The following CNTNAP2 variants were observed in gnomAD, a reference collection of about 807,000 sequenced individuals.
CNTNAP2 encodes contactin-associated protein-like 2.
In CNTNAP2, 98 loss-of-function variants were observed where a neutral mutation model predicts 155.2. The observed-to-expected ratio is 0.63, with a 90% CI of 0.54 to 0.75. The LOEUF (loss-of-function observed/expected upper bound fraction) is 0.75. Among genes scored for constraint, CNTNAP2 ranks in the 30% least tolerant of loss-of-function variants. The probability of loss-of-function intolerance (pLI) is 0.00; values close to 1 mark genes in which losing one functional copy is unlikely to be tolerated. For missense variants in CNTNAP2, 1,727 were observed against 1,688.1 expected, an observed-to-expected ratio of 1.02 and a Z score of -0.40; for synonymous variants, 651 against 631.2, an observed-to-expected ratio of 1.03 and a Z score of -0.47.
At position 148,106,493 on chromosome 7, in the gene CNTNAP2, GATATATAT is replaced by G. The variant is rs10532740; in HGVS notation, c.2384-11605_2384-11598del. Among the ~76,000 whole-genome samples the G allele has an allele frequency of 5.3e-4, 66 of 124,912 alleles. 2 individuals are homozygous for G. Among genetic ancestry groups the G allele is most frequent in the African/African-American group, 1.9e-3 (54 of 28,994 alleles). 81.9% of individuals were successfully genotyped at this position (124,912 alleles called of 152,430 possible). A position where few individuals can be genotyped will look rare whatever the true frequency, so the allele number is the denominator to read the frequency against. ...CACTTCAGTGTACTGCACACTTTGA[GATATATAT>G]ATATATATATATATATATACATATT... On this transcript the variant is annotated intron_variant, in intron 15 of 23. Coordinates refer to ENST00000361727, the MANE Select transcript of CNTNAP2 (RefSeq NM_014141.6).
intron 1 of CNTNAP2, among the ~76,000 whole-genome samples, chr7:146,475,631 G>T (rs923139680): frequency 6.6e-6 from 1 of 152,138 alleles, no homozygotes; most frequent in Non-Finnish European, 1.5e-5. Flanking sequence ...GGGAGACCAA[G>T]ATTGACAGAC....
chr7:146,196,706 A>T (rs1490717707), intron 1 of CNTNAP2, among the ~76,000 whole-genome samples: 1 of 152,198 alleles, frequency 6.6e-6, no homozygotes, highest in Non-Finnish European at 1.5e-5. Context: ...ATAGTTCAGC[A>T]GTCTAGATAA....
intron 3 of CNTNAP2, among the ~76,000 whole-genome samples, chr7:146,955,868 G>A (rs1419455049): frequency 6.6e-6 from 1 of 152,016 alleles, no homozygotes; most frequent in African/African-American, 2.4e-5. Context: ...CAGTTAACAT[G>A]AATACAAAAT....
At chr7:147,068,821 G>T (rs553894817) in intron 4 of CNTNAP2, among the ~76,000 whole-genome samples, 10 of 152,270 alleles carry the variant, frequency 6.6e-5, no homozygotes, top group African/African-American at 2.4e-4. Context: ...CCAATTTCGT[G>T]AAATACATCT....
At chr7:146,541,340 G>T (rs1190570171) in intron 1 of CNTNAP2, among the ~76,000 whole-genome samples, 1 of 151,952 alleles carries the variant, frequency 6.6e-6, no homozygotes, top group Non-Finnish European at 1.5e-5. Flanking sequence ...TTTCCTCCTT[G>T]AGGTCTAATA....
At chr7:146,177,771 G>T (rs1006871590) in intron 1 of CNTNAP2, among the ~76,000 whole-genome samples, 2 of 152,040 alleles carry the variant, frequency 1.3e-5, no homozygotes, top group African/African-American at 4.8e-5. Context: ...TCCCTCTTTT[G>T]TTATTTACAA....
chr7:146,530,136 T>C (rs1204224925), intron 1 of CNTNAP2, among the ~76,000 whole-genome samples: 2 of 152,174 alleles, frequency 1.3e-5, no homozygotes, highest in African/African-American at 4.8e-5. Context: ...GGGAAAGGAC[T>C]CCCTATTCAA....
intron 1 of CNTNAP2, among the ~76,000 whole-genome samples, chr7:146,329,440 C>T (rs1023359986): frequency 2.0e-5 from 3 of 152,128 alleles, no homozygotes; most frequent in African/African-American, 7.2e-5. Flanking sequence ...TGTATCTTTG[C>T]CCAGTATTAC....
intron 2 of CNTNAP2, among the ~76,000 whole-genome samples, chr7:146,774,603 A>G (rs1802355733): frequency 6.6e-6 from 1 of 152,176 alleles, no homozygotes; most frequent in Non-Finnish European, 1.5e-5. Context: ...ATAGTACGTC[A>G]AAAAGGAAGA....
intron 8 of CNTNAP2, among the ~76,000 whole-genome samples, chr7:147,292,919 A>AC: frequency 6.6e-6 from 1 of 152,102 alleles, no homozygotes; most frequent in South Asian, 2.1e-4. Flanking sequence ...ACAGGCATGC[A>AC]CCACCATGCT....
rs116701518 is a variant in CNTNAP2 at position 147,780,531 on chromosome 7, G to C, written c.2099-123034G>C. Among the ~76,000 whole-genome samples the C allele has an allele frequency of 6.1e-3, 927 of 152,066 alleles. 3 individuals are homozygous for C. The highest frequency in any genetic ancestry group is 0.021 in the African/African-American group (883 of 41,470). Reference sequence around the variant, plus strand: ...TTGGAAATAAAGTTTCCCATCTGCTGGTCCTTAAGAGTAATTGCTGGTTTC... The same window carrying C: ...TTGGAAATAAAGTTTCCCATCTGCTCGTCCTTAAGAGTAATTGCTGGTTTC... On this transcript the variant is annotated intron_variant, in intron 13 of 23. Transcript: ENST00000361727.
intron 3 of CNTNAP2, among the ~76,000 whole-genome samples, chr7:146,973,362 A>G (rs548648172): frequency 2.0e-5 from 3 of 152,298 alleles, no homozygotes; most frequent in Non-Finnish European, 4.4e-5. Flanking sequence ...CAATAGATAC[A>G]CATGGTTTGT....
chr7:147,727,747 CT>C (rs10689191), intron 13 of CNTNAP2, among the ~76,000 whole-genome samples: 128 of 141,620 alleles, frequency 9.0e-4, no homozygotes, highest in African/African-American at 3.0e-3. Context: ...CCAAAGCCTG[CT>C]TTTTTTTTTT....
intron 1 of CNTNAP2, among the ~76,000 whole-genome samples, chr7:146,261,133 T>TG: frequency 6.6e-6 from 1 of 152,268 alleles, no homozygotes; most frequent in African/African-American, 2.4e-5. Context: ...CTTTGCCTTC[T>TG]GCCATGATTG....
intron 8 of CNTNAP2, among the ~76,000 whole-genome samples, chr7:147,243,814 C>A (rs1321664960): frequency 1.3e-5 from 2 of 152,024 alleles, no homozygotes; most frequent in East Asian, 3.9e-4. Context: ...TCACAAAGGG[C>A]TGTCATGAAC....
At chr7:147,393,556 C>A (rs980868087) in intron 9 of CNTNAP2, among the ~76,000 whole-genome samples, 3 of 151,176 alleles carry the variant, frequency 2.0e-5, no homozygotes, top group Non-Finnish European at 4.4e-5. Context: ...TGGGTGTTTT[C>A]TCTCTGCTAA....
intron 8 of CNTNAP2, among the ~76,000 whole-genome samples, chr7:147,161,317 C>T (rs1037636102): frequency 3.3e-5 from 5 of 152,124 alleles, no homozygotes; most frequent in Admixed American, 1.3e-4. Flanking sequence ...AGTGAGCCTC[C>T]TCCTGTGAGG....
At chr7:146,122,410 G>T (rs559387213) in intron 1 of CNTNAP2, among the ~76,000 whole-genome samples, 1 of 152,142 alleles carries the variant, frequency 6.6e-6, no homozygotes, top group Non-Finnish European at 1.5e-5. Context: ...CTTATATAAA[G>T]AATGTTATTT....
At position 146,225,923 on chromosome 7, in the gene CNTNAP2, C is replaced by T. The variant is rs546303593; in HGVS notation, c.97+108950C>T. 7.9e-5 allele frequency among the ~76,000 whole-genome samples: 12 copies of T among 152,348 alleles called. 1 individual carries two copies. The South Asian group carries it at 2.5e-3, about 32-fold the overall frequency. ...TTTCAGCTCTTTCACTCTTTGTAATCCAATTCCATTCTTTGCAGCCAGTAT... is the reference window on the plus strand; with the variant it reads ...TTTCAGCTCTTTCACTCTTTGTAATTCAATTCCATTCTTTGCAGCCAGTAT... On this transcript the variant is annotated intron_variant, in intron 1 of 23. Transcript: ENST00000361727.
Sources: allele counts gnomAD v4.1 joint callset (sites outside exome capture counted in the v4.1 genomes callset), GRCh38; gene constraint gnomAD v4.1.1; transcripts MANE v1.5; gene names NCBI Gene and HGNC (gene_info 2026-07-23, HGNC 2026-07-21).